Variants in ATP9B observed in about 807,000 individuals in gnomAD.
ATP9B encodes the protein ATPase phospholipid transporting 9B, also known as probable phospholipid-transporting ATPase IIB.
A neutral mutation model predicts 146.1 loss-of-function variants in ATP9B; 110 were observed. The observed-to-expected ratio is 0.75, with a 90% CI of 0.65 to 0.88. The LOEUF (loss-of-function observed/expected upper bound fraction) is 0.88. ATP9B is among the 40% of genes least tolerant of loss of function. The pLI is 0.00. For synonymous variants in ATP9B, 604 were observed against 569.7 expected (o/e 1.06, Z -0.86); for missense variants, 1,499 against 1,496.4 (o/e 1.00, Z -0.03).
At chr18:79,089,175 A>G (rs534260134) in intron 1 of ATP9B, among the ~76,000 whole-genome samples, 2 of 152,240 alleles carry the variant, frequency 1.3e-5, no homozygotes, top group South Asian at 4.2e-4. Flanking sequence ...TGCTCGGGAG[A>G]TGGGTGCAGC....
intron 10 of ATP9B, among the ~76,000 whole-genome samples, chr18:79,212,036 G>A (rs1323275712): frequency 6.6e-6 from 1 of 151,994 alleles, no homozygotes; most frequent in African/African-American, 2.4e-5. Context: ...GTCTCATTTC[G>A]CAATCCACAG....
chr18:79,271,062 G>A (rs1398362037), intron 12 of ATP9B, among the ~76,000 whole-genome samples: 1 of 152,030 alleles, frequency 6.6e-6, no homozygotes, highest in Non-Finnish European at 1.5e-5. Flanking sequence ...CTTGTCTCTG[G>A]TCTTTCTTTG....
intron 15 of ATP9B, among the ~76,000 whole-genome samples, chr18:79,321,507 C>A (rs1026775847): frequency 1.3e-5 from 2 of 152,086 alleles, no homozygotes; most frequent in African/African-American, 4.8e-5. Context: ...CTCAGCCCCC[C>A]AAATAGCTGG....
intron 13 of ATP9B, among the ~76,000 whole-genome samples, chr18:79,290,545 A>G (rs1159151043): frequency 1.3e-5 from 2 of 152,010 alleles, no homozygotes; most frequent in African/African-American, 4.8e-5. Flanking sequence ...AGGAAAGGGA[A>G]CTCCCTGACC....
At chr18:79,212,274 C>T (rs1228188600) in intron 10 of ATP9B, among the ~76,000 whole-genome samples, 1 of 152,200 alleles carries the variant, frequency 6.6e-6, no homozygotes, top group Non-Finnish European at 1.5e-5. Flanking sequence ...TGAGAGAATA[C>T]TTACGAGAGC....
intron 12 of ATP9B, among the ~76,000 whole-genome samples, chr18:79,256,257 C>CCA (rs1262664506): frequency 0.094 from 9,411 of 99,854 alleles, 894 homozygotes; most frequent in Non-Finnish European, 0.11. Context: ...TTCTAGCTAG[C>CCA]TATATATATA....
intron 23 of ATP9B, among the ~76,000 whole-genome samples, chr18:79,346,719 A>G (rs1273281588): frequency 3.9e-5 from 6 of 152,248 alleles, no homozygotes; most frequent in Non-Finnish European, 8.8e-5. Flanking sequence ...GCACGTGCTC[A>G]GTGCATGCCT....
At chr18:79,373,513 A>T (rs2097085179) in intron 27 of ATP9B, among the ~76,000 whole-genome samples, 1 of 145,784 alleles carries the variant, frequency 6.9e-6, no homozygotes, top group Non-Finnish European at 1.5e-5. Flanking sequence ...TTTTTTAGAC[A>T]GAGTCTCGCT....
chr18:79,369,691 A>C (rs564879049), intron 26 of ATP9B, among the ~76,000 whole-genome samples: 1 of 152,332 alleles, frequency 6.6e-6, no homozygotes, highest in East Asian at 1.9e-4. Flanking sequence ...TTGCAGAGGG[A>C]CCATCTTTCA....
intron 5 of ATP9B, among the ~76,000 whole-genome samples, chr18:79,133,151 C>T (rs1460421291): frequency 6.6e-6 from 1 of 152,172 alleles, no homozygotes; most frequent in Non-Finnish European, 1.5e-5. Flanking sequence ...CTCAGCCTCT[C>T]AGAGTGCTGG....
intron 1 of ATP9B, among the ~76,000 whole-genome samples, chr18:79,077,705 C>T (rs1485997940): frequency 6.6e-6 from 1 of 152,154 alleles, no homozygotes; most frequent in Admixed American, 6.5e-5. Context: ...CCAGTTTCCT[C>T]AAAAACAAGA....
chr18:79,086,410 T>C (rs2073830433), intron 1 of ATP9B: 1 of 105,714 alleles, frequency 9.5e-6, no homozygotes, highest in South Asian at 3.1e-4. Flanking sequence ...CACTCCAGCC[T>C]GGGAGACAGA....
Position 79,347,791 on chromosome 18 carries a change from G to A in ATP9B, c.2704G>A (p.Ala902Thr). ...EGKEGKQASLAADFSITQFRH... is the reference protein window; with the variant it reads ...EGKEGKQASLTADFSITQFRH... ...TCAGGAGGGTAAACAGGCCTCGCTGGCGGCCGACTTCTCCATCACGCAGTT... is the reference window on the plus strand; with the variant it reads ...TCAGGAGGGTAAACAGGCCTCGCTGACGGCCGACTTCTCCATCACGCAGTT... Residue 902 changes from alanine to threonine, a missense_variant, in exon 24 of 30, where the codon GCG (alanine) becomes ACG (threonine). Coordinates refer to ENST00000426216, the MANE Select transcript of ATP9B (RefSeq NM_198531.5). The A allele has an allele frequency of 6.3e-7, 1 of 1,591,774 alleles. No homozygotes were observed. The highest frequency in any genetic ancestry group is 8.6e-7 in the Non-Finnish European group (1 of 1,166,706).
chr18:79,303,544 G>A (rs1341480958), intron 13 of ATP9B, 60 bp from the exon 14 acceptor site: 1 of 1,389,486 alleles, frequency 7.2e-7, no homozygotes, highest in Non-Finnish European at 1.0e-6. Flanking sequence ...TGGTAGGAAA[G>A]CTGGGTGTTC....
Position 79,359,392 on chromosome 18 carries a change from T to C in ATP9B, c.2942T>C (p.Leu981Ser). ...TACACCATGTTCCCAGTGTTCTCCT[T>C]AGTGCTGGACCAGGACGTGAAGCCA... is the stretch of plus-strand genomic sequence containing the variant. ...TIYTMFPVFS[L>S]VLDQDVKPEM... Residue 981 changes from leucine to serine, a missense_variant, in exon 26 of 30, where the codon TTA becomes TCA. Physicochemically the swap from Leu to Ser is moderately radical, Grantham distance 145 (BLOSUM62 -2). Coordinates refer to ENST00000426216, the MANE Select transcript of ATP9B (RefSeq NM_198531.5). 2 of 1,614,008 alleles carry C rather than the reference T, an allele frequency of 1.2e-6. No individual in the cohort carries two copies. The highest frequency in any genetic ancestry group is 1.7e-6 in the Non-Finnish European group (2 of 1,179,898).
intron 14 of ATP9B, among the ~76,000 whole-genome samples, chr18:79,306,171 C>T (rs1339939915): frequency 6.6e-6 from 1 of 152,202 alleles, no homozygotes; most frequent in Non-Finnish European, 1.5e-5. Flanking sequence ...CCAGTCCAAG[C>T]GTGAGAGCCT....
At chr18:79,219,335 G>A (rs1233183164) in intron 11 of ATP9B, among the ~76,000 whole-genome samples, 1 of 152,080 alleles carries the variant, frequency 6.6e-6, no homozygotes, top group Non-Finnish European at 1.5e-5. Flanking sequence ...CATGGCGGTG[G>A]CAGTGCTGAT....
At chr18:79,176,415 T>C (rs990809772) in intron 7 of ATP9B, among the ~76,000 whole-genome samples, 1 of 152,234 alleles carries the variant, frequency 6.6e-6, no homozygotes, top group African/African-American at 2.4e-5. Flanking sequence ...GTAAATCTGG[T>C]ATTTTATTAG....
intron 19 of ATP9B, among the ~76,000 whole-genome samples, chr18:79,338,984 G>C (rs539257745): frequency 6.6e-6 from 1 of 152,212 alleles, no homozygotes; most frequent in Non-Finnish European, 1.5e-5. Context: ...ACAGAAAATA[G>C]GCATCTGTTT....
Sources: allele counts gnomAD v4.1 joint callset (sites outside exome capture counted in the v4.1 genomes callset), GRCh38; gene constraint gnomAD v4.1.1; transcripts MANE v1.5; gene names NCBI Gene and HGNC (gene_info 2026-07-23, HGNC 2026-07-21).